The following GPN1 variants were observed in gnomAD, a reference collection of about 807,000 sequenced individuals.
GPN1 encodes ATP(GTP)-binding protein.
Under a neutral mutation model 55.9 loss-of-function variants are expected in GPN1, and 44 were observed. That is an observed-to-expected ratio of 0.79 (90% CI 0.62 to 1.01). The LOEUF (loss-of-function observed/expected upper bound fraction) is 1.01. Among genes scored for constraint, GPN1 ranks in the 50% least tolerant of loss-of-function variants. The probability of loss-of-function intolerance (pLI) is 0.00; values close to 1 mark genes in which losing one functional copy is unlikely to be tolerated. For synonymous variants in GPN1, 179 were observed against 162.5 expected, an observed-to-expected ratio of 1.10 and a Z score of -0.77; for missense variants, 466 against 462.8, an observed-to-expected ratio of 1.01 and a Z score of -0.06.
intron 5 of GPN1, 121 bp downstream of exon 5, chr2:27,632,791 G>T: frequency 1.5e-6 from 1 of 686,070 alleles, no homozygotes; most frequent in South Asian, 1.9e-5. Flanking sequence ...ACCATTAGGA[G>T]TGAAAAAAAA....
At chr2:27,638,545 T>C (rs1237055418) in intron 8 of GPN1, among the ~76,000 whole-genome samples, 1 of 152,252 alleles carries the variant, frequency 6.6e-6, no homozygotes, top group Non-Finnish European at 1.5e-5. Flanking sequence ...ACTAGTCTAC[T>C]GGAAGTGGCA....
At chr2:27,638,782 A>G (rs1251225089) in intron 8 of GPN1, 103 bp from the exon 9 acceptor site, 10 of 959,898 alleles carry the variant, frequency 1.0e-5, no homozygotes, top group Non-Finnish European at 1.5e-5. Flanking sequence ...CAGAGAAAGA[A>G]AATATATGGA....
chr2:27,648,683 T>TG (rs1278239500), intron 13 of GPN1, among the ~76,000 whole-genome samples: 1 of 152,238 alleles, frequency 6.6e-6, no homozygotes, highest in Non-Finnish European at 1.5e-5. Flanking sequence ...TTGCCCAGGC[T>TG]GGAGTGCAGT....
upstream of GPN1, chr2:27,628,693 C>T (rs1190796580): frequency 6.4e-7 from 1 of 1,551,718 alleles, no homozygotes; most frequent in Non-Finnish European, 8.7e-7. Context: ...GCTCCCCGTT[C>T]TCTGTGGGCT....
chr2:27,638,329 G>A (rs1673812196), intron 8 of GPN1, 74 bp downstream of exon 8: 4 of 834,502 alleles, frequency 4.8e-6, no homozygotes, highest in South Asian at 1.4e-5. Context: ...AGGTGGGTGA[G>A]AAAGATTATT....
At chr2:27,642,779 G>A (rs1674010240) in intron 12 of GPN1, among the ~76,000 whole-genome samples, 1 of 151,808 alleles carries the variant, frequency 6.6e-6, no homozygotes, top group Admixed American at 6.6e-5. Context: ...TGGTCAGGCT[G>A]GTCTCGAACT....
In GPN1 at chr2:27,640,060, T is replaced by C. The variant is rs138547326; in HGVS notation, c.735T>C (p.Ala245=). Residue 245 remains alanine (A), a synonymous_variant, in exon 10 of 14, where the codon GCT becomes GCC. Coordinates refer to ENST00000610189, the MANE Select transcript of GPN1 (RefSeq NM_007266.4). The stretch of plus-strand genomic sequence containing the variant: ...TTTGGCAGGTGGTGGGTGTCTCTGC[T>C]GTTCTGGGTACTGGATTAGATGAAC... ...YSSLRVVGVS[A]VLGTGLDELF... The C allele has an allele frequency of 8.1e-6, 13 of 1,611,570 alleles. No individual in the cohort carries two copies. The highest frequency in any genetic ancestry group is 2.7e-5 in the African/African-American group (2 of 74,900).
chr2:27,645,163 G>A (rs571330939), intron 12 of GPN1, among the ~76,000 whole-genome samples: 3 of 152,110 alleles, frequency 2.0e-5, no homozygotes, highest in African/African-American at 7.2e-5. Flanking sequence ...TAGAGACGAG[G>A]TCTCACCATG....
At chr2:27,628,364 G>T, upstream of GPN1, 2 of 1,530,918 alleles carry the variant, frequency 1.3e-6, no homozygotes, top group Non-Finnish European at 1.8e-6. Context: ...TGACTGGAGG[G>T]GAGGAAGCTC....
intron 12 of GPN1, among the ~76,000 whole-genome samples, chr2:27,647,279 T>G (rs1319493334): frequency 1.3e-5 from 2 of 152,250 alleles, no homozygotes; most frequent in Non-Finnish European, 2.9e-5. Context: ...TTACTGGAGC[T>G]CAGCCCTCAC....
rs138468264 is a variant in GPN1, at chr2:27,643,372, G to A, written c.931+853G>A. ...TGTTATATAAATATATATTTTTCCT[G>A]AATCATTTGAGTAAGTTACAGATAT... On this transcript the variant is annotated intron_variant, in intron 12 of 13. Transcript: ENST00000610189. The surrounding 1 kb of genome is among the most constrained non-coding windows in gnomAD (Gnocchi z 4.0). 3.1e-3 allele frequency among the ~76,000 whole-genome samples: 474 copies of A among 151,428 alleles called. 4 individuals are homozygous for A. The highest frequency in any genetic ancestry group is 0.011 in the African/African-American group (458 of 41,222).
At chr2:27,634,759 T>G (rs1673667513) in intron 5 of GPN1, 87 bp from the exon 6 acceptor site, 1 of 829,006 alleles carries the variant, frequency 1.2e-6, no homozygotes, top group Non-Finnish European at 2.1e-6. Context: ...CAGTCTTGGA[T>G]AACCAGATGT....
At chr2:27,630,766 C>G (rs1254901146) in intron 2 of GPN1, among the ~76,000 whole-genome samples, 1 of 152,118 alleles carries the variant, frequency 6.6e-6, no homozygotes, top group Non-Finnish European at 1.5e-5. Context: ...TTTTGCCTCC[C>G]TTTTTCTAGG....
At chr2:27,639,074 ATC>A in intron 9 of GPN1, 43 bp downstream of exon 9, 2 of 1,506,304 alleles carry the variant, frequency 1.3e-6, no homozygotes, top group East Asian at 2.3e-5. Flanking sequence ...TCTCCAGATA[ATC>A]TGTTAACCCA....
chr2:27,648,031 A>G, intron 13 of GPN1, 88 bp downstream of exon 13: 1 of 736,376 alleles, frequency 1.4e-6, no homozygotes, highest in Non-Finnish European at 2.4e-6. Flanking sequence ...TTAAGCGTGT[A>G]GCCAGTAATA....
intron 2 of GPN1, 43 bp from the exon 3 acceptor site, chr2:27,630,984 G>GTGTA: frequency 1.1e-6 from 1 of 916,498 alleles, no homozygotes; most frequent in African/African-American, 1.6e-5. Flanking sequence ...GGTAGGGAAT[G>GTGTA]TGTATGTATT....
At chr2:27,649,473 C>T (rs1478765144) in intron 13 of GPN1, among the ~76,000 whole-genome samples, 1 of 152,104 alleles carries the variant, frequency 6.6e-6, no homozygotes, top group Non-Finnish European at 1.5e-5. Flanking sequence ...ACCACAATCA[C>T]AGTTGAAATG....
intron 7 of GPN1, 66 bp downstream of exon 7, chr2:27,635,300 C>CATTTTTT: frequency 1.9e-6 from 1 of 520,132 alleles, no homozygotes; most frequent in Non-Finnish European, 3.2e-6. Context: ...TCTTCTTCCT[C>CATTTTTT]TTTTTTTTTT....
At chr2:27,632,560 G>A in intron 4 of GPN1, 73 bp from the exon 5 acceptor site, 1 of 994,488 alleles carries the variant, frequency 1.0e-6, no homozygotes. Flanking sequence ...TGTGAGGTAT[G>A]CCACCCTGGA....
Sources: gnomAD v4.1 joint callset for allele counts (sites outside exome capture counted in the v4.1 genomes callset) on GRCh38, gnomAD v4.1.1 for gene constraint, Gnocchi (gnomAD v3.1) non-coding constraint, MANE v1.5 for transcripts, NCBI Gene and HGNC (gene_info 2026-07-23, HGNC 2026-07-21) for gene names.